Variants in NRP2 observed in about 807,000 individuals in gnomAD.
NRP2 encodes neuropilin-2.
Under a neutral mutation model 110.4 loss-of-function variants are expected in NRP2, and 52 were observed. That is an observed-to-expected ratio of 0.47 (90% CI 0.38 to 0.59). The LOEUF (loss-of-function observed/expected upper bound fraction) is 0.59, where lower values mean the gene tolerates loss of function less well. NRP2 is among the 20% of genes least tolerant of loss of function. NRP2 has a pLI of 0.00. For synonymous variants in NRP2, 508 were observed against 468.9 expected (o/e 1.08, Z -1.08); for missense variants, 1,049 against 1,203.0 (o/e 0.87, Z 1.89).
intron 1 of NRP2, among the ~76,000 whole-genome samples, chr2:205,692,319 T>C (rs1311609635): frequency 1.3e-5 from 2 of 152,226 alleles, no homozygotes; most frequent in Non-Finnish European, 2.9e-5. Flanking sequence ...GCTCATTTCT[T>C]CCCAGCTTAA....
chr2:205,683,501 G>A (rs770445756), intron 1 of NRP2, 138 bp downstream of exon 1: 51 of 705,072 alleles, frequency 7.2e-5, no homozygotes, highest in Non-Finnish European at 1.2e-4. Flanking sequence ...GATCCCAGCC[G>A]GCCCTTCCTA....
intron 3 of NRP2, among the ~76,000 whole-genome samples, chr2:205,720,908 C>T (rs915983981): frequency 5.3e-5 from 8 of 152,200 alleles, no homozygotes; most frequent in African/African-American, 1.9e-4. Context: ...CTGCTTAGAG[C>T]CTCCACAGAA....
At chr2:205,700,974 C>G in intron 2 of NRP2, 1 of 302,994 alleles carries the variant, frequency 3.3e-6, no homozygotes. Context: ...AGAGAAGCCA[C>G]TTTATTCCCT....
Position 205,795,192 on chromosome 2 carries a change from G to A in NRP2, c.*134G>A. 2 of 951,502 alleles carry A rather than the reference G, an allele frequency of 2.1e-6. No homozygotes were observed. Among genetic ancestry groups the A allele is most frequent in the South Asian group, 1.4e-5 (1 of 71,036 alleles). 58.9% of individuals were successfully genotyped at this position (951,502 alleles called of 1,614,324 possible). ...ATCCAGAATACCGAAGGTATGGACA[G>A]GACAGAAAAGCGAGTCGCAGGAGGA... is the stretch of plus-strand genomic sequence containing the variant. On this transcript the variant is annotated 3_prime_UTR_variant, in exon 17 of 17. Coordinates refer to ENST00000357785, the MANE Select transcript of NRP2 (RefSeq NM_003872.3).
At chr2:205,777,157 G>T (rs758885144) in intron 15 of NRP2, 86 of 986,616 alleles carry the variant, frequency 8.7e-5, no homozygotes, top group Non-Finnish European at 1.0e-4. Flanking sequence ...GCCTTATCTA[G>T]CTCTGGCTGG....
Position 205,683,370 on chromosome 2 carries a change from C to T in NRP2, c.73+7C>T, listed in dbSNP as rs2056057596. ...CAAGTGAGAGGCCAACCAGGTAAGC[C>T]ACTGAAAGTTTTTCTATTTATTGCA... On this transcript the variant is annotated splice_region_variant and intron_variant, in intron 1 of 16. Coordinates refer to ENST00000357785, the MANE Select transcript of NRP2 (RefSeq NM_003872.3). The T allele has an allele frequency of 6.2e-7, 1 of 1,608,950 alleles. No individual in the cohort carries two copies. Among genetic ancestry groups the T allele is most frequent in the Non-Finnish European group, 8.5e-7 (1 of 1,175,362 alleles).
At chr2:205,755,858 G>T (rs1398881523) in intron 12 of NRP2, among the ~76,000 whole-genome samples, 2 of 152,172 alleles carry the variant, frequency 1.3e-5, no homozygotes, top group Admixed American at 6.5e-5. Context: ...AAGAAAGGAG[G>T]TGTCTCTGTC....
chr2:205,753,587 C>T (rs1272464254), intron 12 of NRP2, among the ~76,000 whole-genome samples: 1 of 152,226 alleles, frequency 6.6e-6, no homozygotes, highest in Non-Finnish European at 1.5e-5. Context: ...TCAGAAGCTT[C>T]TCCTGGCACT....
chr2:205,724,055 A>G, intron 5 of NRP2, 115 bp downstream of exon 5: 1 of 1,200,424 alleles, frequency 8.3e-7, no homozygotes, highest in Non-Finnish European at 1.2e-6. Context: ...TACGGAATTT[A>G]TGGTGGCATC....
chr2:205,729,662 C>T (rs2057198988), intron 7 of NRP2, among the ~76,000 whole-genome samples: 1 of 152,194 alleles, frequency 6.6e-6, no homozygotes, highest in Non-Finnish European at 1.5e-5. Context: ...GTTTTAAAAG[C>T]ATGCAGATGG....
Position 205,795,092 on chromosome 2 carries a change from T to A in NRP2, c.*34T>A. 1 of 1,598,714 alleles carries A rather than the reference T, an allele frequency of 6.3e-7. No homozygotes were observed. The highest frequency in any genetic ancestry group is 8.6e-7 in the Non-Finnish European group (1 of 1,167,830). On this transcript the variant is annotated 3_prime_UTR_variant, in exon 17 of 17. Coordinates refer to ENST00000357785, the MANE Select transcript of NRP2 (RefSeq NM_003872.3). The stretch of plus-strand genomic sequence containing the variant: ...ACCTGAATCCTATCTGACGTTTCAT[T>A]CCAGCAAGAGGGGCTGGGGAAGATT...
At chr2:205,776,544 G>C in intron 15 of NRP2, 1 of 1,601,744 alleles carries the variant, frequency 6.2e-7, no homozygotes, top group Non-Finnish European at 8.5e-7. Flanking sequence ...AGCAAGAACA[G>C]CACCCAAAAC....
intron 15 of NRP2, among the ~76,000 whole-genome samples, chr2:205,788,444 C>G (rs565284688): frequency 6.6e-6 from 1 of 152,264 alleles, no homozygotes; most frequent in African/African-American, 2.4e-5. Flanking sequence ...CTGACTCTCA[C>G]ATAGATATAT....
intron 7 of NRP2, among the ~76,000 whole-genome samples, chr2:205,736,439 TACAAGGCA>T (rs1171515100): frequency 6.6e-6 from 1 of 152,202 alleles, no homozygotes; most frequent in African/African-American, 2.4e-5. Context: ...GAGTATAACA[TACAAGGCA>T]ACCCACCGAT....
intron 7 of NRP2, among the ~76,000 whole-genome samples, chr2:205,730,875 C>A (rs552986744): frequency 1.3e-5 from 2 of 152,206 alleles, no homozygotes; most frequent in Non-Finnish European, 2.9e-5. Flanking sequence ...CTTTTTACTG[C>A]CAGTGGGTGA....
At chr2:205,752,138 C>A (rs993007719) in intron 11 of NRP2, among the ~76,000 whole-genome samples, 1 of 152,152 alleles carries the variant, frequency 6.6e-6, no homozygotes, top group East Asian at 1.9e-4. Context: ...TCCAGGGATT[C>A]AGCATGATGG....
Position 205,790,200 on chromosome 2 carries a change from T to C in NRP2, c.2426-2035T>C, listed in dbSNP as rs147825006. 1.8e-3 allele frequency among the ~76,000 whole-genome samples: 270 copies of C among 152,342 alleles called. 1 individual carries two copies. The highest frequency in any genetic ancestry group is 3.5e-3 in the Admixed American group (54 of 15,308). On this transcript the variant is annotated intron_variant, in intron 15 of 16. Coordinates refer to ENST00000357785, the MANE Select transcript of NRP2 (RefSeq NM_003872.3). ...AGCTGCATCTGGGCAATTGATTTCA[T>C]TGAGTCTTAGAAATGGGCCAATTCT...
intron 2 of NRP2, among the ~76,000 whole-genome samples, chr2:205,707,038 G>C (rs973644435): frequency 2.0e-5 from 3 of 152,186 alleles, no homozygotes; most frequent in African/African-American, 7.2e-5. Context: ...TCCCTTTCTT[G>C]TAGAAGCTCA....
chr2:205,744,996 C>A (rs975705201), intron 9 of NRP2, among the ~76,000 whole-genome samples: 1 of 152,166 alleles, frequency 6.6e-6, no homozygotes, highest in African/African-American at 2.4e-5. Flanking sequence ...AAAACTGGAG[C>A]GGTCCTGCTG....
Sources: gnomAD v4.1 joint callset for allele counts (sites outside exome capture counted in the v4.1 genomes callset) on GRCh38, gnomAD v4.1.1 for gene constraint, MANE v1.5 for transcripts, NCBI Gene and HGNC (gene_info 2026-07-23, HGNC 2026-07-21) for gene names.